PDCD10: variants seen among roughly 807,000 people sequenced by gnomAD.
PDCD10 encodes programmed cell death 10.
In PDCD10, 4 loss-of-function variants were observed where a neutral mutation model predicts 29.2. That is an observed-to-expected ratio of 0.14 (90% CI 0.07 to 0.31). The LOEUF is 0.31. Among genes scored for constraint, PDCD10 ranks in the 10% least tolerant of loss-of-function variants. The pLI is 1.00. For missense variants in PDCD10, 183 were observed against 257.9 expected (o/e 0.71, Z 1.99); for synonymous variants, 70 against 82.2 (o/e 0.85, Z 0.80).
intron 4 of PDCD10, among the ~76,000 whole-genome samples, chr3:167,701,785 T>C (rs1244221712): frequency 6.6e-6 from 1 of 152,104 alleles, no homozygotes; most frequent in Admixed American, 6.6e-5. Context: ...GAAAAACCCA[T>C]CGAGCCTAAA....
At chr3:167,687,194 T>C in intron 8 of PDCD10, 40 bp downstream of exon 8, 1 of 1,008,610 alleles carries the variant, frequency 9.9e-7, no homozygotes, top group South Asian at 1.3e-5. Context: ...CCACATAATC[T>C]ATTTAATTTT....
At chr3:167,721,147 A>G (rs749614608) in intron 2 of PDCD10, among the ~76,000 whole-genome samples, 12 of 152,320 alleles carry the variant, frequency 7.9e-5, no homozygotes, top group East Asian at 7.7e-4. Context: ...ATATTAAACA[A>G]AAAGCCATTT....
intron 3 of PDCD10, among the ~76,000 whole-genome samples, chr3:167,707,414 C>T (rs1226686470): frequency 6.6e-6 from 1 of 152,152 alleles, no homozygotes; most frequent in Non-Finnish European, 1.5e-5. Context: ...CACGGTGGCT[C>T]ACGTCTGTAA....
chr3:167,695,220 G>A (rs957118903), intron 6 of PDCD10, among the ~76,000 whole-genome samples: 2 of 152,190 alleles, frequency 1.3e-5, no homozygotes, highest in South Asian at 2.1e-4. Context: ...TCATGCCTAA[G>A]AGTACGTTAC....
At chr3:167,704,707 T>G (rs540377806) in intron 4 of PDCD10, 135 bp downstream of exon 4, 5 of 663,812 alleles carry the variant, frequency 7.5e-6, no homozygotes, top group Non-Finnish European at 1.4e-5. Context: ...TTAAGCTTTA[T>G]GGAATATAGT....
chr3:167,707,574 G>A (rs914271659), intron 3 of PDCD10, among the ~76,000 whole-genome samples: 6 of 151,980 alleles, frequency 3.9e-5, no homozygotes, highest in African/African-American at 9.7e-5. Context: ...CCAGCTACTC[G>A]GGAGGCTGAG....
At chr3:167,704,637 T>A in intron 4 of PDCD10, 2 of 485,018 alleles carry the variant, frequency 4.1e-6, no homozygotes, top group Non-Finnish European at 7.4e-6. Flanking sequence ...AAGCACAAAG[T>A]GATGAAAAGA....
At chr3:167,686,933 T>C (rs1300887261) in intron 8 of PDCD10, among the ~76,000 whole-genome samples, 1 of 152,218 alleles carries the variant, frequency 6.6e-6, no homozygotes, top group Non-Finnish European at 1.5e-5. Flanking sequence ...TTGTACATTG[T>C]CTATGGCTTG....
chr3:167,716,192 T>C (rs186068178), intron 3 of PDCD10, among the ~76,000 whole-genome samples: 120 of 152,050 alleles, frequency 7.9e-4, no homozygotes, highest in Middle Eastern at 3.4e-3. Flanking sequence ...AAAGTTCTCA[T>C]TTACTTGTGG....
intron 4 of PDCD10, among the ~76,000 whole-genome samples, chr3:167,700,377 G>C (rs1457316419): frequency 1.3e-5 from 2 of 151,926 alleles, no homozygotes; most frequent in African/African-American, 4.8e-5. Context: ...CCGACAAAGT[G>C]CCACTAGTGA....
chr3:167,709,173 G>A (rs781232877), intron 3 of PDCD10, among the ~76,000 whole-genome samples: 32 of 151,794 alleles, frequency 2.1e-4, no homozygotes, highest in Admixed American at 3.9e-4. Context: ...GAGGGGAGGC[G>A]AAGCAAGATG....
At chr3:167,697,502 TA>T (rs1720934799) in intron 4 of PDCD10, among the ~76,000 whole-genome samples, 2 of 152,312 alleles carry the variant, frequency 1.3e-5, no homozygotes, top group South Asian at 4.1e-4. Context: ...TTTAATGTGC[TA>T]ATACTGCAAC....
intron 3 of PDCD10, 96 bp from the exon 4 acceptor site, chr3:167,704,991 A>C (rs763631870): frequency 2.8e-5 from 20 of 710,994 alleles, no homozygotes; most frequent in Non-Finnish European, 4.9e-5. Flanking sequence ...GAACACATTA[A>C]ACATTTAATC....
At position 167,685,094 on chromosome 3, in the gene PDCD10, C is replaced by T. The variant is rs547366805; in HGVS notation, c.558-705G>A. Among the ~76,000 whole-genome samples the T allele has an allele frequency of 5.3e-5, 8 of 152,056 alleles. No individual in the cohort carries two copies. The East Asian group carries it at 7.8e-4, about 15-fold the overall frequency. ...CCTAGTATCATATCTAGCATGCACC[C>T]GCATCCTAGACATTTCTCAAAAGAG... On this transcript the variant is annotated intron_variant, in intron 8 of 8. Coordinates refer to ENST00000392750, the MANE Select transcript of PDCD10 (RefSeq NM_007217.4).
At chr3:167,713,187 T>C (rs1356330244) in intron 3 of PDCD10, among the ~76,000 whole-genome samples, 3 of 152,066 alleles carry the variant, frequency 2.0e-5, no homozygotes, top group African/African-American at 4.8e-5. Context: ...ACAGATCATA[T>C]GTTAGGTCAC....
intron 3 of PDCD10, among the ~76,000 whole-genome samples, chr3:167,714,622 T>C (rs1722834600): frequency 1.3e-5 from 2 of 151,846 alleles, no homozygotes; most frequent in African/African-American, 4.8e-5. Flanking sequence ...CATATAAAAA[T>C]CAGCAGCATT....
intron 6 of PDCD10, among the ~76,000 whole-genome samples, chr3:167,690,653 T>C (rs571325416): frequency 2.2e-4 from 33 of 152,220 alleles, no homozygotes; most frequent in Non-Finnish European, 1.9e-4. Flanking sequence ...AAAAGGCCTT[T>C]TGAAATATTT....
At chr3:167,708,836 C>G (rs1559963741) in intron 3 of PDCD10, among the ~76,000 whole-genome samples, 1 of 152,076 alleles carries the variant, frequency 6.6e-6, no homozygotes, top group Non-Finnish European at 1.5e-5. Context: ...GAAATATATG[C>G]GAAAGATTCC....
At chr3:167,718,607 A>C (rs1261574383) in intron 3 of PDCD10, among the ~76,000 whole-genome samples, 3 of 151,892 alleles carry the variant, frequency 2.0e-5, no homozygotes, top group Non-Finnish European at 4.4e-5. Context: ...CAAAAAAATT[A>C]AGTGGAAGTC....
Sources: allele counts gnomAD v4.1 joint callset (sites outside exome capture counted in the v4.1 genomes callset), GRCh38; gene constraint gnomAD v4.1.1; transcripts MANE v1.5; gene names NCBI Gene and HGNC (gene_info 2026-07-23, HGNC 2026-07-21).